Variants in RGS17 observed in about 807,000 individuals in gnomAD.
RGS17 encodes the protein regulator of G protein signaling 17, also known as regulator of G-protein signaling 17.
In RGS17, 12 loss-of-function variants were observed where a neutral mutation model predicts 25.5. That is an observed-to-expected ratio of 0.47 (90% confidence interval 0.30 to 0.76). The LOEUF is 0.76. Among genes scored for constraint, RGS17 ranks in the 30% least tolerant of loss-of-function variants. The pLI is 0.07. For synonymous variants in RGS17, 71 were observed against 76.9 expected (o/e 0.92, Z 0.40); for missense variants, 196 against 242.2 (o/e 0.81, Z 1.27).
intron 1 of RGS17, among the ~76,000 whole-genome samples, chr6:153,128,844 G>A (rs1777744036): frequency 6.6e-6 from 1 of 152,080 alleles, no homozygotes; most frequent in South Asian, 2.1e-4. Context: ...ATTTGAGAAG[G>A]AAATGCTGTT....
At chr6:153,012,971 A>C (rs1779149278) in intron 4 of RGS17, among the ~76,000 whole-genome samples, 1 of 152,144 alleles carries the variant, frequency 6.6e-6, no homozygotes, top group Non-Finnish European at 1.5e-5. Context: ...AGGGATGGCT[A>C]CTAGATTTGT....
chr6:153,083,673 T>C (rs1265714406), intron 1 of RGS17, among the ~76,000 whole-genome samples: 1 of 152,192 alleles, frequency 6.6e-6, no homozygotes, highest in Non-Finnish European at 1.5e-5. Context: ...GGCTTGGATC[T>C]TGGAATTGAA....
At chr6:153,073,799 A>C (rs972899947) in intron 1 of RGS17, among the ~76,000 whole-genome samples, 1 of 152,110 alleles carries the variant, frequency 6.6e-6, no homozygotes, top group Admixed American at 6.6e-5. Context: ...CAATTGATGT[A>C]ACCATTATAG....
intron 4 of RGS17, among the ~76,000 whole-genome samples, chr6:153,023,639 T>A (rs901021779): frequency 6.6e-6 from 1 of 152,212 alleles, no homozygotes; most frequent in African/African-American, 2.4e-5. Context: ...ACAGAAAACC[T>A]AGAATAAGTA....
At chr6:153,107,050 A>G (rs1305625290) in intron 1 of RGS17, among the ~76,000 whole-genome samples, 2 of 151,962 alleles carry the variant, frequency 1.3e-5, no homozygotes, top group Non-Finnish European at 2.9e-5. Context: ...TGGTATTCAT[A>G]AGCCGGGCAT....
intron 1 of RGS17, among the ~76,000 whole-genome samples, chr6:153,061,838 A>G (rs1776643556): frequency 2.0e-5 from 3 of 152,218 alleles, no homozygotes; most frequent in Non-Finnish European, 4.4e-5. Flanking sequence ...GTACTTCATA[A>G]TACCTGTATA....
intron 1 of RGS17, among the ~76,000 whole-genome samples, chr6:153,077,000 A>T (rs1340546771): frequency 6.6e-6 from 1 of 152,196 alleles, no homozygotes; most frequent in Non-Finnish European, 1.5e-5. Flanking sequence ...TACTTTCATC[A>T]TGAAGCAATG....
chr6:153,105,084 C>G (rs531307195), intron 1 of RGS17, among the ~76,000 whole-genome samples: 1 of 152,272 alleles, frequency 6.6e-6, no homozygotes, highest in South Asian at 2.1e-4. Flanking sequence ...AGACAGATCA[C>G]ACTGGGCCTT....
At chr6:153,023,321 C>A in intron 4 of RGS17, 3 of 493,150 alleles carry the variant, frequency 6.1e-6, no homozygotes, top group East Asian at 1.1e-4. Context: ...AGGTAAAAAT[C>A]ACAGTTGTTT....
chr6:153,037,193 C>G lies in RGS17; in HGVS notation c.119+6707G>C, dbSNP rs796989497. 9.1e-3 allele frequency among the ~76,000 whole-genome samples: 1,050 copies of G among 115,956 alleles called. 3 individuals carry two copies. Among genetic ancestry groups the G allele is most frequent in the African/African-American group, 0.013 (405 of 31,954 alleles). The allele number at this position is 115,956 out of a possible 152,430, so 76.1% of individuals were successfully genotyped here. On this transcript the variant is annotated intron_variant, in intron 2 of 4. Transcript: ENST00000206262. ...TAAAACACACACACACACACACACA[C>G]ACACACAGACACACACACACACACA...
chr6:153,051,017 A>G (rs1459344230), intron 1 of RGS17, among the ~76,000 whole-genome samples: 1 of 152,228 alleles, frequency 6.6e-6, no homozygotes, highest in Non-Finnish European at 1.5e-5. Context: ...ACACGGAAAG[A>G]AGATAGTCAT....
intron 1 of RGS17, among the ~76,000 whole-genome samples, chr6:153,055,979 G>A (rs1776550076): frequency 6.6e-6 from 1 of 152,048 alleles, no homozygotes; most frequent in East Asian, 1.9e-4. Flanking sequence ...TATGAACTTG[G>A]GTCTAAAAAC....
intron 4 of RGS17, among the ~76,000 whole-genome samples, chr6:153,014,394 T>C (rs1176914290): frequency 1.3e-5 from 2 of 152,216 alleles, no homozygotes; most frequent in Admixed American, 1.3e-4. Context: ...CCGAGAGCTT[T>C]GATGAAGATG....
chr6:153,103,653 T>C (rs1777338984), intron 1 of RGS17, among the ~76,000 whole-genome samples: 1 of 152,204 alleles, frequency 6.6e-6, no homozygotes, highest in Admixed American at 6.5e-5. Flanking sequence ...AGCCTATTCT[T>C]GAGAAGAAAT....
intron 1 of RGS17, among the ~76,000 whole-genome samples, chr6:153,110,981 C>T (rs957582857): frequency 3.9e-5 from 6 of 152,156 alleles, no homozygotes; most frequent in African/African-American, 1.4e-4. Context: ...ACCACCAGGG[C>T]CCTGGGTTTC....
chr6:153,032,882 G>A (rs1186437894), intron 2 of RGS17, among the ~76,000 whole-genome samples: 3 of 152,124 alleles, frequency 2.0e-5, no homozygotes, highest in Non-Finnish European at 4.4e-5. Flanking sequence ...GCATTCCACC[G>A]TCTCATGCTG....
intron 1 of RGS17, among the ~76,000 whole-genome samples, chr6:153,101,232 G>A (rs182617982): frequency 1.5e-4 from 23 of 152,294 alleles, no homozygotes; most frequent in Admixed American, 8.5e-4. Context: ...TTTGAACTGC[G>A]GAGTCCACTT....
At chr6:153,096,029 T>C (rs888519422) in intron 1 of RGS17, among the ~76,000 whole-genome samples, 1 of 152,158 alleles carries the variant, frequency 6.6e-6, no homozygotes, top group Non-Finnish European at 1.5e-5. Context: ...AAGAAAGATC[T>C]GGGTAGAAAT....
chr6:153,013,273 A>C (rs1779152576), intron 4 of RGS17, among the ~76,000 whole-genome samples: 1 of 152,012 alleles, frequency 6.6e-6, no homozygotes, highest in Admixed American at 6.5e-5. Flanking sequence ...CTTCGATGTT[A>C]CTCTTGCAAT....
Sources: allele counts gnomAD v4.1 joint callset (sites outside exome capture counted in the v4.1 genomes callset), GRCh38; gene constraint gnomAD v4.1.1; transcripts MANE v1.5; gene names NCBI Gene and HGNC (gene_info 2026-07-23, HGNC 2026-07-21).